Variants in IL1R1 observed in about 807,000 individuals in gnomAD.
The protein encoded by IL1R1 is interleukin 1 receptor type 1, also known as interleukin-1 receptor type 1.
In IL1R1, 22 loss-of-function variants were observed where a neutral mutation model predicts 50.2. The observed-to-expected ratio is 0.44, with a 90% CI of 0.31 to 0.63. The LOEUF is 0.63. Among genes scored for constraint, IL1R1 ranks in the 20% least tolerant of loss-of-function variants. IL1R1 has a pLI of 0.07. For missense variants in IL1R1, 509 were observed against 676.2 expected (o/e 0.75, Z 2.74); for synonymous variants, 251 against 236.7 (o/e 1.06, Z -0.55).
intron 1 of IL1R1, among the ~76,000 whole-genome samples, chr2:102,079,486 A>G (rs1679115829): frequency 6.6e-6 from 1 of 152,144 alleles, no homozygotes; most frequent in African/African-American, 2.4e-5. Flanking sequence ...TTAAGAAAAC[A>G]ATTCTACTTA....
In IL1R1 at chr2:102,107,670, G is replaced by A. The variant is rs140518567; in HGVS notation, c.-84+2798G>A. 1.2e-3 allele frequency among the ~76,000 whole-genome samples: 176 copies of A among 152,310 alleles called. 1 individual carries two copies. Among genetic ancestry groups the A allele is most frequent in the African/African-American group, 3.9e-3 (161 of 41,570 alleles). ...AAATAAAAGAAAAGTGTGCTACTCT[G>A]ATAATAGGCAAAGGTATATTTTGTT... On this transcript the variant is annotated intron_variant, in intron 1 of 10. Coordinates refer to the IL1R1 transcript ENST00000409329.
At chr2:102,101,314 A>G (rs1680130678), upstream of IL1R1, among the ~76,000 whole-genome samples, 1 of 152,234 alleles carries the variant, frequency 6.6e-6, no homozygotes, top group South Asian at 2.1e-4. Context: ...AAAGATACAT[A>G]GATGAAGTTG....
intron 1 of IL1R1, among the ~76,000 whole-genome samples, chr2:102,089,948 C>T (rs936330474): frequency 6.6e-6 from 1 of 151,576 alleles, no homozygotes; most frequent in African/African-American, 2.4e-5. Context: ...ATTCTCCTGC[C>T]TCAGCCTCCT....
At chr2:102,106,826 A>T (rs1046767259) in intron 1 of IL1R1, among the ~76,000 whole-genome samples, 1 of 152,310 alleles carries the variant, frequency 6.6e-6, no homozygotes, top group South Asian at 2.1e-4. Flanking sequence ...TTTCCATTTC[A>T]TTGCATAGAT....
At chr2:102,094,019 C>T (rs1351850704) in intron 1 of IL1R1, among the ~76,000 whole-genome samples, 1 of 152,190 alleles carries the variant, frequency 6.6e-6, no homozygotes. Context: ...CAAAACAAAA[C>T]AAAACCAACC....
At chr2:102,170,903 A>T (rs189191791) in intron 7 of IL1R1, among the ~76,000 whole-genome samples, 6 of 152,288 alleles carry the variant, frequency 3.9e-5, no homozygotes, top group East Asian at 3.9e-4. Context: ...TCTACTAAAA[A>T]TACAAAAATT....
chr2:102,111,757 G>C (rs1009625871), intron 1 of IL1R1, among the ~76,000 whole-genome samples: 8 of 152,194 alleles, frequency 5.3e-5, no homozygotes, highest in Admixed American at 6.5e-5. Flanking sequence ...CCAGGGGCCT[G>C]CTTGGTGCCA....
intron 1 of IL1R1, among the ~76,000 whole-genome samples, chr2:102,125,431 A>G (rs575690968): frequency 7.9e-5 from 12 of 152,314 alleles, no homozygotes; most frequent in African/African-American, 2.9e-4. Context: ...TTATTGTTTC[A>G]TGGACTGGGA....
intron 1 of IL1R1, among the ~76,000 whole-genome samples, chr2:102,145,210 G>T (rs1683011744): frequency 6.6e-6 from 1 of 152,224 alleles, no homozygotes; most frequent in African/African-American, 2.4e-5. Flanking sequence ...ACAGCTCCAG[G>T]ATGCTACCCA....
Position 102,080,838 on chromosome 2 carries a change from T to C in IL1R1, c.-84+10305T>C, listed in dbSNP as rs184962406. Among the ~76,000 whole-genome samples the C allele has an allele frequency of 7.8e-4, 119 of 152,256 alleles. 1 individual carries two copies. The highest frequency in any genetic ancestry group is 1.6e-4 in the Non-Finnish European group (11 of 68,010). On this transcript the variant is annotated intron_variant, in intron 1 of 11. Coordinates refer to the IL1R1 transcript ENST00000409929. ...TTAATGGATGAATGGATTAACAATA[T>C]GCAGTATATCCAAACAACGGAATAT... is the stretch of plus-strand genomic sequence containing the variant.
At chr2:102,071,566 C>T (rs1276240669) in intron 1 of IL1R1, among the ~76,000 whole-genome samples, 2 of 152,210 alleles carry the variant, frequency 1.3e-5, no homozygotes, top group Non-Finnish European at 2.9e-5. Flanking sequence ...AACTGGCTTA[C>T]ATAAATTTAC....
Position 102,172,156 on chromosome 2 carries a change from G to A in IL1R1, c.839+238G>A, listed in dbSNP as rs1008390259. 6 of 507,716 alleles carry A rather than the reference G, an allele frequency of 1.2e-5. No homozygotes were observed. In the African/African-American group the frequency reaches 1.3e-4, roughly 11 times the overall value. The allele number at this position is 507,716 out of a possible 1,614,324, so 31.5% of individuals were successfully genotyped here. On this transcript the variant is annotated intron_variant, in intron 8 of 11. Transcript: ENST00000410023. ...GACCACTTAGAAGCCTTTCTCTTAC[G>A]TTATACATGTTGCAACATTTCAACG...
At position 102,161,991 on chromosome 2, in the gene IL1R1, C is replaced by A. The variant is rs980225354; in HGVS notation, c.62-2783C>A. Reference sequence around the variant, plus strand: ...TGCTGGGATTACAGGCATGAGCCACCACGCCTGGCTGACTTCTTTATTTTT... The same window carrying A: ...TGCTGGGATTACAGGCATGAGCCACAACGCCTGGCTGACTTCTTTATTTTT... On this transcript the variant is annotated intron_variant, in intron 3 of 11. Transcript: ENST00000410023. Among the ~76,000 whole-genome samples, 25 of 152,240 alleles carry A rather than the reference C, an allele frequency of 1.6e-4. 1 individual carries two copies. The highest frequency in any genetic ancestry group is 2.5e-4 in the Non-Finnish European group (17 of 68,036).
chr2:102,070,639 C>T (rs1168002517), intron 1 of IL1R1: 3 of 152,148 alleles, frequency 2.0e-5, no homozygotes, highest in Non-Finnish European at 4.4e-5. Context: ...ATTCTTTCTG[C>T]TTCTAGGGTG....
intron 1 of IL1R1, among the ~76,000 whole-genome samples, chr2:102,075,670 T>C (rs898935094): frequency 2.0e-5 from 3 of 152,234 alleles, no homozygotes; most frequent in African/African-American, 7.2e-5. Flanking sequence ...CCTGATTGCC[T>C]ACTGCACTTC....
Position 102,092,350 on chromosome 2 carries a change from G to A in IL1R1, c.-84+21817G>A, listed in dbSNP as rs188445198. On this transcript the variant is annotated intron_variant, in intron 1 of 11. Transcript: ENST00000409929. The stretch of plus-strand genomic sequence containing the variant: ...AAATTTTGTTTTTCCGCTCCTAGTC[G>A]TTTTCTTAGCTCTTTGATTCTTAAA... Among the ~76,000 whole-genome samples, 44 of 151,912 alleles carry A rather than the reference G, an allele frequency of 2.9e-4. No individual in the cohort carries two copies. The South Asian group carries it at 4.4e-3, about 15-fold the overall frequency.
At chr2:102,081,552 C>G (rs1383079878) in intron 1 of IL1R1, among the ~76,000 whole-genome samples, 1 of 152,246 alleles carries the variant, frequency 6.6e-6, no homozygotes, top group Non-Finnish European at 1.5e-5. Context: ...GAAATAACAG[C>G]TCCTTCCCTG....
chr2:102,155,555 C>T lies in IL1R1; in HGVS notation c.-7+1538C>T, dbSNP rs148845730. On this transcript the variant is annotated intron_variant, in intron 2 of 11. Coordinates refer to ENST00000410023, the MANE Select transcript of IL1R1 (RefSeq NM_000877.4). The stretch of plus-strand genomic sequence containing the variant: ...CCTTCCCTTCTGATGTCCTCACTCC[C>T]ATTGGTCATGTGACCCTTAACGCCC... Among the ~76,000 whole-genome samples the T allele has an allele frequency of 2.0e-3, 305 of 152,222 alleles. 1 individual carries two copies. Among genetic ancestry groups the T allele is most frequent in the Non-Finnish European group, 2.3e-3 (158 of 68,010 alleles).
chr2:102,176,000 C>T (rs1686099925), intron 11 of IL1R1: 2 of 454,386 alleles, frequency 4.4e-6, no homozygotes, highest in Non-Finnish European at 7.8e-6. Flanking sequence ...AAATATTTGT[C>T]TTTTGAGGGC....
Sources: gnomAD v4.1 joint callset for allele counts (sites outside exome capture counted in the v4.1 genomes callset) on GRCh38, gnomAD v4.1.1 for gene constraint, MANE v1.5 for transcripts, NCBI Gene and HGNC (gene_info 2026-07-23, HGNC 2026-07-21) for gene names.